Variants in KCTD5 observed in about 807,000 individuals in gnomAD.
KCTD5 encodes potassium channel tetramerization domain containing 5.
A neutral mutation model predicts 27.9 loss-of-function variants in KCTD5; 12 were observed. That is an observed-to-expected ratio of 0.43 (90% CI 0.28 to 0.70). The LOEUF (loss-of-function observed/expected upper bound fraction) is 0.70. KCTD5 is among the 30% of genes least tolerant of loss of function. KCTD5 has a pLI of 0.19. For synonymous variants in KCTD5, 147 were observed against 121.4 expected, an observed-to-expected ratio of 1.21 and a Z score of -1.39; for missense variants, 226 against 274.8, an observed-to-expected ratio of 0.82 and a Z score of 1.26.
intron 1 of KCTD5, among the ~76,000 whole-genome samples, chr16:2,688,593 C>T (rs2067553206): frequency 6.8e-6 from 1 of 147,734 alleles, no homozygotes; most frequent in Non-Finnish European, 1.5e-5. Context: ...CGCAGCCACA[C>T]TTAATTTCTG....
At chr16:2,703,631 C>T (rs919160993) in intron 5 of KCTD5, among the ~76,000 whole-genome samples, 11 of 152,184 alleles carry the variant, frequency 7.2e-5, no homozygotes, top group Non-Finnish European at 1.3e-4. Flanking sequence ...GCATGTCTCT[C>T]GGAGGCCTGC....
intron 1 of KCTD5, among the ~76,000 whole-genome samples, chr16:2,692,991 G>A (rs1232644705): frequency 6.6e-6 from 1 of 152,270 alleles, no homozygotes; most frequent in African/African-American, 2.4e-5. Context: ...TGCAGCCATA[G>A]TTTGGGTGGG....
chr16:2,699,070 A>T, intron 3 of KCTD5: 1 of 450,990 alleles, frequency 2.2e-6, no homozygotes, highest in East Asian at 7.0e-5. Flanking sequence ...TGCCTTTGTC[A>T]CTCAGGCATC....
intron 1 of KCTD5, chr16:2,684,147 A>G (rs2067529947): frequency 1.3e-5 from 2 of 152,100 alleles, no homozygotes; most frequent in African/African-American, 4.8e-5. Flanking sequence ...CTTTTTAAAT[A>G]ACAGGGCTTA....
intron 1 of KCTD5, among the ~76,000 whole-genome samples, chr16:2,687,098 C>T (rs544733554): frequency 2.8e-4 from 42 of 152,206 alleles, no homozygotes; most frequent in Non-Finnish European, 5.3e-4. Flanking sequence ...CCGCTCCTTC[C>T]CCACTGCAGC....
Position 2,702,171 on chromosome 16 carries a change from G to A in KCTD5, c.550-182G>A, listed in dbSNP as rs112781903. 2.4e-3 allele frequency among the ~76,000 whole-genome samples: 359 copies of A among 152,332 alleles called. 4 individuals are homozygous for A. Among genetic ancestry groups the A allele is most frequent in the Admixed American group, 3.8e-3 (58 of 15,310 alleles). On this transcript the variant is annotated intron_variant, in intron 4 of 5. Transcript: ENST00000301738. ...TCGCCCCATGCCATGCCACGGCGTG[G>A]GGTGCCGCCCCGTGTGCTCGTGCAG...
At chr16:2,688,483 T>C (rs990369218) in intron 1 of KCTD5, among the ~76,000 whole-genome samples, 3 of 152,104 alleles carry the variant, frequency 2.0e-5, no homozygotes, top group Admixed American at 1.3e-4. Context: ...ACTCCTGACC[T>C]CAGGTCATCC....
intron 1 of KCTD5, among the ~76,000 whole-genome samples, chr16:2,691,418 G>C (rs914186666): frequency 3.3e-5 from 5 of 152,254 alleles, no homozygotes; most frequent in African/African-American, 9.6e-5. Context: ...CAAGGGTTCA[G>C]CCTACTGCTC....
At chr16:2,699,712 C>A in intron 3 of KCTD5, 109 bp from the exon 4 acceptor site, 9 of 937,504 alleles carry the variant, frequency 9.6e-6, no homozygotes, top group Non-Finnish European at 1.4e-5. Flanking sequence ...GTGCCCTGTG[C>A]TGAGAACTGC....
At chr16:2,693,346 C>T (rs1051055677) in intron 1 of KCTD5, among the ~76,000 whole-genome samples, 1 of 152,254 alleles carries the variant, frequency 6.6e-6, no homozygotes, top group African/African-American at 2.4e-5. Flanking sequence ...CATCACCGCA[C>T]TGGGCCAGCT....
intron 5 of KCTD5, among the ~76,000 whole-genome samples, chr16:2,704,809 C>T (rs557233467): frequency 7.2e-5 from 11 of 152,342 alleles, no homozygotes; most frequent in East Asian, 3.9e-4. Flanking sequence ...ACAGAGCCCA[C>T]GCAGCAGAGG....
At position 2,707,875 on chromosome 16, in the gene KCTD5, C is replaced by T. The variant is rs975561184; in HGVS notation, c.*548C>T. ...CGGCTTCTGCGTCGTCACTGCTTCC[C>T]GGCGCCATTCCGAGGCCGGGCCTTC... On this transcript the variant is annotated 3_prime_UTR_variant, in exon 6 of 6. Transcript: ENST00000301738. 2.8e-5 allele frequency: 5 copies of T among 176,070 alleles called. No individual in the cohort carries two copies. Among genetic ancestry groups the T allele is most frequent in the Non-Finnish European group, 3.6e-5 (3 of 84,198 alleles). The allele number at this position is 176,070 out of a possible 1,614,324, so 10.9% of individuals were successfully genotyped here. A position where few individuals can be genotyped will look rare whatever the true frequency, so the allele number is the denominator to read the frequency against.
At chr16:2,685,490 CAGAT>C (rs1232543167) in intron 1 of KCTD5, 1 of 149,038 alleles carries the variant, frequency 6.7e-6, no homozygotes. Flanking sequence ...GTTTTAGTGA[CAGAT>C]AGTTTGCCAA....
chr16:2,691,605 C>T (rs967477213), intron 1 of KCTD5, among the ~76,000 whole-genome samples: 5 of 152,152 alleles, frequency 3.3e-5, no homozygotes, highest in Non-Finnish European at 5.9e-5. Flanking sequence ...AATTGAACCA[C>T]GTGGGAGGAG....
chr16:2,705,557 C>T (rs923233516), intron 5 of KCTD5, among the ~76,000 whole-genome samples: 6 of 152,286 alleles, frequency 3.9e-5, no homozygotes, highest in Admixed American at 2.6e-4. Context: ...GGGGTCAGGA[C>T]CAGTGCGGCA....
At position 2,697,915 on chromosome 16, in the gene KCTD5, A is replaced by C; in HGVS notation, c.371A>C (p.Glu124Ala). The C allele has an allele frequency of 6.2e-7, 1 of 1,605,668 alleles. No individual in the cohort carries two copies. Residue 124 changes from glutamate (E) to alanine (A), a missense_variant, in exon 3 of 6, where the codon GAG (glutamate) becomes GCG (alanine). By Grantham distance (107) the Glu-to-Ala change is moderately radical. Coordinates refer to ENST00000301738, the MANE Select transcript of KCTD5 (RefSeq NM_018992.4). ...NKDLAEEGVL[E>A]EAEFYNITSL... Reference sequence around the variant, plus strand: ...TTTTTCCTTATTCCAGGAGTGTTGGAGGAAGCAGAATTTTACAATATCACC... The same window carrying C: ...TTTTTCCTTATTCCAGGAGTGTTGGCGGAAGCAGAATTTTACAATATCACC...
rs369480617 is a variant in KCTD5, at chr16:2,698,004, C to G, written c.453+7C>G. 2 of 1,596,258 alleles carry G rather than the reference C, an allele frequency of 1.3e-6. No homozygotes were observed. The highest frequency in any genetic ancestry group is 1.7e-6 in the Non-Finnish European group (2 of 1,164,330). On this transcript the variant is annotated splice_region_variant and intron_variant, in intron 3 of 5. Transcript: ENST00000301738. ...AGACAGCAAAACATCGCAGGTGAGA[C>G]AAATGACTGAGGCTGGAAGCTTGTA...
At chr16:2,696,544 G>A (rs17598822) in intron 2 of KCTD5, among the ~76,000 whole-genome samples, 52,896 of 152,160 alleles carry the variant, frequency 0.35, 11,554 homozygotes, top group East Asian at 0.75. Context: ...CAGGGACGGC[G>A]CCCACACGCG....
chr16:2,700,953 G>T (rs764992452), intron 4 of KCTD5, among the ~76,000 whole-genome samples: 1 of 152,050 alleles, frequency 6.6e-6, no homozygotes. Flanking sequence ...CATCAGAATC[G>T]TGCCAGAGCC....
Sources: allele counts gnomAD v4.1 joint callset (sites outside exome capture counted in the v4.1 genomes callset), GRCh38; gene constraint gnomAD v4.1.1; transcripts MANE v1.5; gene names NCBI Gene and HGNC (gene_info 2026-07-23, HGNC 2026-07-21).